Variants in PCDH9 observed in about 807,000 individuals in gnomAD.
PCDH9 encodes the protein protocadherin 9, also known as protocadherin-9.
In PCDH9, 24 loss-of-function variants were observed where a neutral mutation model predicts 70.6. The observed-to-expected ratio is 0.34, with a 90% CI of 0.25 to 0.48. PCDH9 has a LOEUF of 0.48. PCDH9 is among the 20% of genes least tolerant of loss of function. The pLI, the probability that PCDH9 is intolerant of heterozygous loss-of-function variation, is 0.99. For missense variants in PCDH9, 1,281 were observed against 1,503.6 expected, an observed-to-expected ratio of 0.85 and a Z score of 2.45; for synonymous variants, 562 against 558.5, an observed-to-expected ratio of 1.01 and a Z score of -0.09.
chr13:66,312,501 C>T (rs145685498), intron 4 of PCDH9, among the ~76,000 whole-genome samples: 3 of 151,870 alleles, frequency 2.0e-5, no homozygotes, highest in Non-Finnish European at 4.4e-5. Flanking sequence ...GTGCCAGTTA[C>T]TCAGGGGAAC....
At chr13:67,189,452 A>C (rs2088851575) in intron 2 of PCDH9, among the ~76,000 whole-genome samples, 4 of 152,102 alleles carry the variant, frequency 2.6e-5, no homozygotes, top group Admixed American at 2.6e-4. Flanking sequence ...TGACTGAAGA[A>C]ATATTTTTCT....
At chr13:66,935,530 C>T (rs1164783585) in intron 2 of PCDH9, among the ~76,000 whole-genome samples, 1 of 152,042 alleles carries the variant, frequency 6.6e-6, no homozygotes, top group Admixed American at 6.6e-5. Context: ...AGAAAATAAG[C>T]TCTACCTAGG....
chr13:66,697,474 G>A (rs1412982973), intron 3 of PCDH9, among the ~76,000 whole-genome samples: 2 of 151,932 alleles, frequency 1.3e-5, no homozygotes, highest in Non-Finnish European at 2.9e-5. Context: ...ATATTTCCCT[G>A]GGAATATTTG....
At chr13:66,896,559 T>C (rs894160713) in intron 3 of PCDH9, among the ~76,000 whole-genome samples, 7 of 151,366 alleles carry the variant, frequency 4.6e-5, no homozygotes, top group South Asian at 2.1e-4. Context: ...TATAATAATT[T>C]CTATAAAAAT....
chr13:66,854,998 C>G (rs1442005), intron 3 of PCDH9, among the ~76,000 whole-genome samples: 28,081 of 151,984 alleles, frequency 0.18, 2,803 homozygotes, highest in Middle Eastern at 0.25. Flanking sequence ...TAGAACATAA[C>G]TATTGCATAT....
chr13:66,971,729 C>G (rs1394126019), intron 2 of PCDH9, among the ~76,000 whole-genome samples: 1 of 151,822 alleles, frequency 6.6e-6, no homozygotes, highest in Non-Finnish European at 1.5e-5. Context: ...TGATGAAGAG[C>G]AGAAACAAAA....
intron 4 of PCDH9, among the ~76,000 whole-genome samples, chr13:66,309,419 A>G (rs1429651413): frequency 6.6e-5 from 10 of 152,062 alleles, no homozygotes; most frequent in Admixed American, 6.6e-4. Flanking sequence ...TATGCTAATA[A>G]CTGACTAGTT....
At chr13:66,448,484 T>A (rs79798360) in intron 4 of PCDH9, among the ~76,000 whole-genome samples, 3,114 of 152,282 alleles carry the variant, frequency 0.02, 134 homozygotes, top group African/African-American at 0.072. Context: ...TTTAGCTAGT[T>A]TAAAATCCTA....
chr13:67,088,738 G>T (rs1287121272), intron 2 of PCDH9, among the ~76,000 whole-genome samples: 1 of 151,990 alleles, frequency 6.6e-6, no homozygotes, highest in East Asian at 1.9e-4. Context: ...TTAAGAACTA[G>T]GTGTCCTAAG....
chr13:66,363,015 T>C (rs758474087), intron 4 of PCDH9, among the ~76,000 whole-genome samples: 86 of 152,172 alleles, frequency 5.7e-4, no homozygotes, highest in Middle Eastern at 3.4e-3. Flanking sequence ...ACCTTGTCTC[T>C]ACTAAAAATA....
chr13:66,846,939 G>T (rs1374429677), intron 3 of PCDH9, among the ~76,000 whole-genome samples: 1 of 150,994 alleles, frequency 6.6e-6, no homozygotes, highest in African/African-American at 2.4e-5. Flanking sequence ...ACTAAATCCA[G>T]TTTTTCCTGA....
intron 4 of PCDH9, among the ~76,000 whole-genome samples, chr13:66,599,686 T>C (rs2077143223): frequency 6.6e-6 from 1 of 151,742 alleles, no homozygotes; most frequent in Non-Finnish European, 1.5e-5. Flanking sequence ...AGTGTATCCA[T>C]ACTCAGCCTC....
intron 2 of PCDH9, among the ~76,000 whole-genome samples, chr13:67,020,350 T>G (rs1226869526): frequency 6.6e-6 from 1 of 152,172 alleles, no homozygotes; most frequent in African/African-American, 2.4e-5. Context: ...AAATAAAATC[T>G]GCAGTACGTG....
intron 4 of PCDH9, among the ~76,000 whole-genome samples, chr13:66,363,006 C>G (rs543051574): frequency 2.0e-5 from 3 of 152,052 alleles, no homozygotes; most frequent in Non-Finnish European, 4.4e-5. Context: ...CATGGAGAAA[C>G]CTTGTCTCTA....
At chr13:66,644,375 T>C (rs1593829188) in intron 3 of PCDH9, among the ~76,000 whole-genome samples, 1 of 152,038 alleles carries the variant, frequency 6.6e-6, no homozygotes, top group South Asian at 2.1e-4. Context: ...AATAAGACAG[T>C]GTATATAAGA....
chr13:66,615,656 A>G (rs1043329168), intron 4 of PCDH9, among the ~76,000 whole-genome samples: 8 of 152,234 alleles, frequency 5.3e-5, no homozygotes, highest in African/African-American at 1.9e-4. Flanking sequence ...TGAAGAGCTG[A>G]AATACTCACA....
chr13:67,052,982 G>A (rs2085350767), intron 2 of PCDH9, among the ~76,000 whole-genome samples: 1 of 152,094 alleles, frequency 6.6e-6, no homozygotes, highest in Non-Finnish European at 1.5e-5. Context: ...GAGCTTGGAA[G>A]TGAGTTAATG....
At chr13:66,606,564 A>G (rs1173190969) in intron 4 of PCDH9, among the ~76,000 whole-genome samples, 2 of 152,172 alleles carry the variant, frequency 1.3e-5, no homozygotes, top group African/African-American at 2.4e-5. Flanking sequence ...ATAGGAAAGC[A>G]TAATCAATAA....
intron 2 of PCDH9, among the ~76,000 whole-genome samples, chr13:67,167,327 G>A (rs911667817): frequency 2.6e-5 from 4 of 152,088 alleles, no homozygotes; most frequent in Admixed American, 6.5e-5. Context: ...AATTTAAAAT[G>A]AGGAGGATAA....
Sources: gnomAD v4.1 joint callset for allele counts (sites outside exome capture counted in the v4.1 genomes callset) on GRCh38, gnomAD v4.1.1 for gene constraint, MANE v1.5 for transcripts, NCBI Gene and HGNC (gene_info 2026-07-23, HGNC 2026-07-21) for gene names.